Variants in SAMD12 observed in about 807,000 individuals in gnomAD.
SAMD12 encodes the protein sterile alpha motif domain containing 12, also known as sterile alpha motif domain-containing protein 12.
A neutral mutation model predicts 15.0 loss-of-function variants in SAMD12; 9 were observed. The observed-to-expected ratio is 0.60, with a 90% CI of 0.36 to 1.05. SAMD12 has a LOEUF of 1.05. Ranked by LOEUF, SAMD12 falls within the 50% of genes least tolerant of loss-of-function variation. SAMD12 has a pLI of 0.01. For synonymous variants in SAMD12, 86 were observed against 90.1 expected, an observed-to-expected ratio of 0.96 and a Z score of 0.25; for missense variants, 230 against 234.2, an observed-to-expected ratio of 0.98 and a Z score of 0.12.
At chr8:118,176,494 T>C in the SAMD12 span, among the ~76,000 whole-genome samples, 3 of 152,174 alleles carry the variant, frequency 2.0e-5, no homozygotes, top group Non-Finnish European at 4.4e-5. Context: ...TAAAAAAGAA[T>C]GATATCATGG....
intron 1 of SAMD12, among the ~76,000 whole-genome samples, chr8:118,614,059 C>T (rs536870858): frequency 1.3e-5 from 2 of 152,304 alleles, no homozygotes; most frequent in East Asian, 3.9e-4. Flanking sequence ...TCTTCCAACT[C>T]TGATAACCTA....
downstream of SAMD12, among the ~76,000 whole-genome samples, chr8:118,376,345 C>T (rs1030865218): frequency 3.3e-5 from 5 of 152,004 alleles, no homozygotes; most frequent in African/African-American, 1.2e-4. Context: ...GACGGTGGGG[C>T]CCTTGCTTGG....
rs115371456 is a variant in SAMD12, at chr8:118,287,942, G to A, written c.434-90210C>T. On this transcript the variant is annotated intron_variant, in intron 4 of 4. Coordinates refer to the SAMD12 transcript ENST00000409003. Reference sequence around the variant, plus strand: ...GCCCCTAAGGATAGGAAAATGACATGGAAAGCTTCTGCTTTTCTGGATTGT... The same window carrying A: ...GCCCCTAAGGATAGGAAAATGACATAGAAAGCTTCTGCTTTTCTGGATTGT... Among the ~76,000 whole-genome samples, 1,008 of 152,208 alleles carry A rather than the reference G, an allele frequency of 6.6e-3. 14 individuals carry two copies. Among genetic ancestry groups the A allele is most frequent in the African/African-American group, 0.023 (961 of 41,516 alleles).
At chr8:118,551,792 A>T (rs1158284428) in intron 2 of SAMD12, among the ~76,000 whole-genome samples, 11 of 151,042 alleles carry the variant, frequency 7.3e-5, no homozygotes, top group African/African-American at 2.2e-4. Flanking sequence ...AGACTAATAA[A>T]GAAAAAAAGA....
At chr8:118,563,172 A>C (rs566333192) in intron 2 of SAMD12, among the ~76,000 whole-genome samples, 88 of 152,348 alleles carry the variant, frequency 5.8e-4, no homozygotes, top group Non-Finnish European at 1.2e-3. Flanking sequence ...GAGATGATGA[A>C]TTTAAAAGCA....
intron 4 of SAMD12, among the ~76,000 whole-genome samples, chr8:118,313,224 C>A (rs1420422677): frequency 6.6e-6 from 1 of 152,128 alleles, no homozygotes; most frequent in Non-Finnish European, 1.5e-5. Context: ...GAATATAAGC[C>A]ACGTTATGCC....
intron 4 of SAMD12, among the ~76,000 whole-genome samples, chr8:118,347,012 C>T (rs1056159944): frequency 1.3e-5 from 2 of 152,190 alleles, no homozygotes; most frequent in Non-Finnish European, 2.9e-5. Context: ...CATGGGATTC[C>T]TCCTGCCTTA....
chr8:118,179,032 T>G, the SAMD12 span, among the ~76,000 whole-genome samples: 42 of 152,282 alleles, frequency 2.8e-4, no homozygotes, highest in African/African-American at 9.6e-4. Flanking sequence ...CATCATCACT[T>G]CTGTTTATAG....
rs370358473 is a variant in SAMD12, at chr8:118,596,700, C to G, written c.14-15807G>C. On this transcript the variant is annotated intron_variant, in intron 1 of 3. Transcript: ENST00000314727. ...CTAGGTTGTCTTCTTCCTGCTCCATCTATTACCTTCCAGATCTCTTTTTCC... is the reference window on the plus strand; with the variant it reads ...CTAGGTTGTCTTCTTCCTGCTCCATGTATTACCTTCCAGATCTCTTTTTCC... Among the ~76,000 whole-genome samples, 20 of 152,344 alleles carry G rather than the reference C, an allele frequency of 1.3e-4. No individual in the cohort carries two copies. The East Asian group carries it at 3.9e-3, about 29-fold the overall frequency.
the SAMD12 span, among the ~76,000 whole-genome samples, chr8:118,176,817 C>A: frequency 1.3e-5 from 2 of 152,046 alleles, no homozygotes; most frequent in Non-Finnish European, 2.9e-5. Flanking sequence ...TAAAAAAAAA[C>A]CACTATTGTA....
intron 4 of SAMD12, among the ~76,000 whole-genome samples, chr8:118,352,095 C>A (rs942487303): frequency 2.0e-5 from 3 of 152,188 alleles, no homozygotes; most frequent in Non-Finnish European, 4.4e-5. Context: ...TCCTTACATG[C>A]GTTTAACACT....
At chr8:118,356,313 C>T (rs1363904836) in intron 4 of SAMD12, among the ~76,000 whole-genome samples, 4 of 152,182 alleles carry the variant, frequency 2.6e-5, no homozygotes, top group Admixed American at 2.0e-4. Flanking sequence ...TAGTTTATTC[C>T]ACTGTTGACA....
chr8:118,601,178 A>G (rs533318398), intron 1 of SAMD12, among the ~76,000 whole-genome samples: 7 of 152,316 alleles, frequency 4.6e-5, no homozygotes, highest in Middle Eastern at 3.4e-3. Context: ...TCCAATGGGT[A>G]TATATAATAA....
the SAMD12 span, among the ~76,000 whole-genome samples, chr8:118,164,419 A>G: frequency 0.014 from 2,145 of 152,304 alleles, 52 homozygotes; most frequent in African/African-American, 0.049. Flanking sequence ...GTCATCCAAC[A>G]CTAGTGCTCT....
At chr8:118,154,144 G>GCGCACA in the SAMD12 span, among the ~76,000 whole-genome samples, 1 of 149,714 alleles carries the variant, frequency 6.7e-6, no homozygotes, top group Non-Finnish European at 1.5e-5. Flanking sequence ...ACACACAAGT[G>GCGCACA]CACACACACA....
intron 2 of SAMD12, among the ~76,000 whole-genome samples, chr8:118,518,702 C>T (rs1475796324): frequency 2.0e-5 from 3 of 152,176 alleles, no homozygotes; most frequent in Non-Finnish European, 4.4e-5. Context: ...GCTTTTCACA[C>T]CCTACTACAC....
chr8:118,421,309 G>A (rs913470746), intron 3 of SAMD12, among the ~76,000 whole-genome samples: 3 of 152,096 alleles, frequency 2.0e-5, no homozygotes, highest in Non-Finnish European at 4.4e-5. Context: ...GCATTATTCT[G>A]ATTTCATGGC....
chr8:118,551,337 T>G (rs947485683), intron 2 of SAMD12, among the ~76,000 whole-genome samples: 6 of 152,022 alleles, frequency 3.9e-5, no homozygotes, highest in Non-Finnish European at 7.4e-5. Flanking sequence ...TCTCAGACCA[T>G]AGTGCAATCA....
chr8:118,255,517 A>G (rs1221629823), intron 4 of SAMD12, among the ~76,000 whole-genome samples: 1 of 68,206 alleles, frequency 1.5e-5, no homozygotes, highest in African/African-American at 6.0e-5. Context: ...CCCCCACCCC[A>G]CAACAGTCCC....
Sources: gnomAD v4.1 joint callset for allele counts (sites outside exome capture counted in the v4.1 genomes callset) on GRCh38, gnomAD v4.1.1 for gene constraint, MANE v1.5 for transcripts, NCBI Gene and HGNC (gene_info 2026-07-23, HGNC 2026-07-21) for gene names.